The following BRD10 variants were observed in gnomAD, a reference collection of about 807,000 sequenced individuals.
BRD10 encodes uncharacterized bromodomain-containing protein 10.
At chr9:5,913,857 C>T in the BRD10 span, 5 of 276,424 alleles carry the variant, frequency 1.8e-5, no homozygotes, top group Admixed American at 5.3e-5. Context: ...TGGTCTCCCA[C>T]CTGAGTAAGC....
chr9:5,913,106 T>C, the BRD10 span, among the ~76,000 whole-genome samples: 1 of 152,196 alleles, frequency 6.6e-6, no homozygotes, highest in South Asian at 2.1e-4. Context: ...AGAGCAGGCA[T>C]ACTTTAAGGA....
At chr9:5,943,157 C>A in the BRD10 span, among the ~76,000 whole-genome samples, 1 of 152,090 alleles carries the variant, frequency 6.6e-6, no homozygotes, top group South Asian at 2.1e-4. Flanking sequence ...ATTTATAGGC[C>A]TGAGCCACTA....
the BRD10 span, chr9:5,969,085 A>G: frequency 6.2e-7 from 1 of 1,613,652 alleles, no homozygotes; most frequent in Middle Eastern, 1.6e-4. Flanking sequence ...GCCCTACAGC[A>G]GTGTACCACT....
chr9:5,947,693 G>A, the BRD10 span, among the ~76,000 whole-genome samples: 1 of 151,800 alleles, frequency 6.6e-6, no homozygotes, highest in Non-Finnish European at 1.5e-5. Flanking sequence ...TTTGACTTAT[G>A]CCAACTCGAT....
the BRD10 span, chr9:5,919,901 C>T: frequency 1.2e-6 from 2 of 1,613,828 alleles, no homozygotes; most frequent in African/African-American, 2.7e-5. Context: ...TGAAGTGCTA[C>T]TTGGCAGTGG....
At chr9:5,986,345 TACC>T in the BRD10 span, among the ~76,000 whole-genome samples, 17 of 152,380 alleles carry the variant, frequency 1.1e-4, 1 homozygote, top group African/African-American at 3.8e-4. Context: ...GGTCTGTATG[TACC>T]ACATTTTCTT....
At chr9:5,997,810 G>A in the BRD10 span, among the ~76,000 whole-genome samples, 3 of 152,128 alleles carry the variant, frequency 2.0e-5, no homozygotes, top group Admixed American at 1.3e-4. Context: ...TAGTGGGGTA[G>A]GTTTGGCAAC....
the BRD10 span, among the ~76,000 whole-genome samples, chr9:5,991,123 A>G: frequency 1.3e-5 from 2 of 152,096 alleles, no homozygotes; most frequent in Non-Finnish European, 2.9e-5. Flanking sequence ...TGAACAAAAT[A>G]TATTTTTTAA....
At chr9:5,883,977 G>A in the BRD10 span, among the ~76,000 whole-genome samples, 3 of 152,264 alleles carry the variant, frequency 2.0e-5, no homozygotes, top group African/African-American at 7.2e-5. Context: ...CCATTTTGCA[G>A]ATAAAGAGAC....
chr9:5,914,844 C>T, the BRD10 span, among the ~76,000 whole-genome samples: 4 of 152,086 alleles, frequency 2.6e-5, no homozygotes, highest in East Asian at 7.7e-4. Context: ...ATTATGTAAA[C>T]CATAATTGAA....
the BRD10 span, chr9:5,933,686 C>T: frequency 2.8e-5 from 12 of 435,500 alleles, no homozygotes; most frequent in Admixed American, 5.7e-5. Flanking sequence ...TACAAAACTA[C>T]ACAATATTGT....
At chr9:5,919,850 C>A in the BRD10 span, 1 of 1,613,908 alleles carries the variant, frequency 6.2e-7, no homozygotes, top group Non-Finnish European at 8.5e-7. Flanking sequence ...TCCTTCTGGG[C>A]TAACCAACAA....
chr9:5,969,596 T>G, the BRD10 span, among the ~76,000 whole-genome samples: 1 of 152,204 alleles, frequency 6.6e-6, no homozygotes, highest in Non-Finnish European at 1.5e-5. Context: ...CAGGCTGTAG[T>G]GCAGTGATGC....
the BRD10 span, among the ~76,000 whole-genome samples, chr9:5,981,441 CAT>C: frequency 8.7e-4 from 132 of 152,310 alleles, no homozygotes; most frequent in African/African-American, 3.0e-3. Context: ...GAATGTGCCA[CAT>C]GTTTCCTGGC....
the BRD10 span, among the ~76,000 whole-genome samples, chr9:5,943,592 T>TA: frequency 4.1e-4 from 60 of 147,840 alleles, no homozygotes; most frequent in Non-Finnish European, 8.3e-4. Flanking sequence ...GACATTTACA[T>TA]AACATAAATA....
the BRD10 span, among the ~76,000 whole-genome samples, chr9:5,944,109 G>T: frequency 6.6e-6 from 1 of 152,010 alleles, no homozygotes; most frequent in Non-Finnish European, 1.5e-5. Flanking sequence ...ATATTCCTAA[G>T]GCGCAAAACG....
At chr9:5,903,149 A>G in the BRD10 span, among the ~76,000 whole-genome samples, 1 of 152,104 alleles carries the variant, frequency 6.6e-6, no homozygotes, top group East Asian at 1.9e-4. Context: ...ATCTTTCTGT[A>G]TTGATTTCTG....
the BRD10 span, among the ~76,000 whole-genome samples, chr9:5,958,776 G>T: frequency 2.0e-5 from 3 of 152,172 alleles, no homozygotes; most frequent in East Asian, 5.8e-4. Context: ...TGAATACTAA[G>T]ATATTAATCA....
chr9:5,895,608 C>G, the BRD10 span, among the ~76,000 whole-genome samples: 1 of 152,198 alleles, frequency 6.6e-6, no homozygotes, highest in Admixed American at 6.5e-5. Context: ...CAGTGGAGAG[C>G]AGTTCTCACA....
Sources: gnomAD v4.1 joint callset for allele counts (sites outside exome capture counted in the v4.1 genomes callset) on GRCh38, gnomAD v4.1.1 for gene constraint, MANE v1.5 for transcripts, NCBI Gene and HGNC (gene_info 2026-07-23, HGNC 2026-07-21) for gene names.